KIF3C: variants seen among roughly 807,000 people sequenced by gnomAD.
KIF3C encodes the protein kinesin family member 3C.
In KIF3C, 12 loss-of-function variants were observed where a neutral mutation model predicts 67.7. The observed-to-expected ratio is 0.18, with a 90% CI of 0.11 to 0.29. KIF3C has a LOEUF of 0.29. KIF3C is among the 10% of genes least tolerant of loss of function. The pLI, the probability that KIF3C is intolerant of heterozygous loss-of-function variation, is 1.00. For synonymous variants in KIF3C, 393 were observed against 426.2 expected, an observed-to-expected ratio of 0.92 and a Z score of 0.96; for missense variants, 789 against 1,059.6, an observed-to-expected ratio of 0.74 and a Z score of 3.55.
intron 5 of KIF3C, among the ~76,000 whole-genome samples, chr2:25,931,949 G>A (rs1412065237): frequency 9.3e-6 from 1 of 107,816 alleles, no homozygotes; most frequent in Non-Finnish European, 1.9e-5. Context: ...TTTTTTTTTT[G>A]AGTCAGAGTC....
intron 1 of KIF3C, among the ~76,000 whole-genome samples, chr2:25,962,663 C>T (rs1370946190): frequency 6.9e-6 from 1 of 144,616 alleles, no homozygotes; most frequent in African/African-American, 2.6e-5. Flanking sequence ...AGGCATGAGC[C>T]ACTGTGCCTG....
At chr2:25,931,468 CAAACAAAAAACA>C (rs1330266071) in intron 5 of KIF3C, among the ~76,000 whole-genome samples, 1 of 151,756 alleles carries the variant, frequency 6.6e-6, no homozygotes, top group African/African-American at 2.4e-5. Context: ...CAAAAACAAA[CAAACAAAAAACA>C]AAACAAAAAA....
At position 25,931,173 on chromosome 2, in the gene KIF3C, C is replaced by T. The variant is rs550857913; in HGVS notation, c.2007-1110G>A. Reference sequence around the variant, plus strand: ...CCACTAGAGGTCTTAAAACGTATCCCCTGCCAGGTGCAGTGGCTCACACCT... The same window carrying T: ...CCACTAGAGGTCTTAAAACGTATCCTCTGCCAGGTGCAGTGGCTCACACCT... On this transcript the variant is annotated intron_variant, in intron 5 of 7. Coordinates refer to ENST00000264712, the MANE Select transcript of KIF3C (RefSeq NM_002254.8). 5.9e-5 allele frequency among the ~76,000 whole-genome samples: 9 copies of T among 151,952 alleles called. No individual in the cohort carries two copies. The South Asian group carries it at 1.9e-3, about 32-fold the overall frequency.
chr2:25,948,682 G>T (rs1352404190), intron 5 of KIF3C, among the ~76,000 whole-genome samples: 2 of 133,560 alleles, frequency 1.5e-5, no homozygotes, highest in African/African-American at 5.5e-5. Flanking sequence ...GAGAGAGAAA[G>T]AAAGAAAGGA....
At chr2:25,962,960 T>TACATATA (rs1664018536) in intron 1 of KIF3C, among the ~76,000 whole-genome samples, 1 of 31,998 alleles carries the variant, frequency 3.1e-5, no homozygotes. Flanking sequence ...TAATATATAA[T>TACATATA]ATATATAATA....
At chr2:25,933,272 A>G (rs2090477174) in intron 5 of KIF3C, among the ~76,000 whole-genome samples, 1 of 151,828 alleles carries the variant, frequency 6.6e-6, no homozygotes, top group East Asian at 1.9e-4. Context: ...AAAAAAAAAA[A>G]GGGCAAAGGA....
rs1021089655 is a variant in KIF3C, at chr2:25,928,039, C to G, written c.*939G>C. 6.6e-6 allele frequency: 1 copy of G among 152,528 alleles called. No homozygotes were observed. Among genetic ancestry groups the G allele is most frequent in the South Asian group, 2.1e-4 (1 of 4,826 alleles). The allele number at this position is 152,528 out of a possible 1,614,324, so 9.4% of individuals were successfully genotyped here. ...AATAGATGTTAATATCTTCGTTTAG[C>G]GAGGGGTAGAATGACATTGACTCCT... On this transcript the variant is annotated 3_prime_UTR_variant, in exon 8 of 8. Transcript: ENST00000264712.
intron 5 of KIF3C, among the ~76,000 whole-genome samples, chr2:25,941,297 C>T (rs1663277838): frequency 6.6e-6 from 1 of 151,092 alleles, no homozygotes; most frequent in Admixed American, 6.6e-5. Context: ...CAGTGAGACC[C>T]TGTCTCAAAA....
At chr2:25,939,850 T>C (rs1341020018) in intron 5 of KIF3C, among the ~76,000 whole-genome samples, 1 of 152,076 alleles carries the variant, frequency 6.6e-6, no homozygotes, top group African/African-American at 2.4e-5. Context: ...CTCAGGAGGC[T>C]GAGGCACAAG....
chr2:25,963,728 C>T (rs967950093), intron 1 of KIF3C, among the ~76,000 whole-genome samples: 11 of 149,586 alleles, frequency 7.4e-5, no homozygotes, highest in African/African-American at 1.7e-4. Context: ...AGTCTCACTT[C>T]GTTGCCCAGG....
In KIF3C at chr2:25,928,873, G is replaced by T; in HGVS notation, c.*105C>A. 1 of 868,712 alleles carries T rather than the reference G, an allele frequency of 1.2e-6. No homozygotes were observed. The highest frequency in any genetic ancestry group is 1.8e-6 in the Non-Finnish European group (1 of 545,930). 53.8% of individuals were successfully genotyped at this position (868,712 alleles called of 1,614,324 possible). On this transcript the variant is annotated 3_prime_UTR_variant, in exon 8 of 8. Coordinates refer to ENST00000264712, the MANE Select transcript of KIF3C (RefSeq NM_002254.8). The stretch of plus-strand genomic sequence containing the variant: ...TTCTCACCCCTGCACACACGCACAC[G>T]CACATGCACGCACACGCACACGCAC...
chr2:25,977,454 G>A (rs1472053880), intron 1 of KIF3C, among the ~76,000 whole-genome samples: 2 of 152,144 alleles, frequency 1.3e-5, no homozygotes, highest in Non-Finnish European at 2.9e-5. Context: ...CAGATGGGGA[G>A]CCTGCCTTCT....
At chr2:25,964,066 C>T (rs1013984041) in intron 1 of KIF3C, among the ~76,000 whole-genome samples, 8 of 152,066 alleles carry the variant, frequency 5.3e-5, no homozygotes, top group Admixed American at 2.6e-4. Context: ...CCAACACTTT[C>T]GGAGACCTAG....
At chr2:25,956,466 GA>G (rs778605340) in intron 1 of KIF3C, 22 bp from the exon 2 acceptor site, 1 of 1,593,408 alleles carries the variant, frequency 6.3e-7, no homozygotes, top group South Asian at 1.1e-5. Flanking sequence ...GAGGGGTTGG[GA>G]GGTGGGCTTT....
intron 5 of KIF3C, among the ~76,000 whole-genome samples, chr2:25,944,943 C>T (rs550727931): frequency 1.3e-5 from 2 of 152,070 alleles, no homozygotes; most frequent in Non-Finnish European, 2.9e-5. Context: ...TCAGCCTGGC[C>T]AACATGGCGA....
At chr2:25,948,627 AAAGAG>A (rs1663509350) in intron 5 of KIF3C, among the ~76,000 whole-genome samples, 2 of 99,634 alleles carry the variant, frequency 2.0e-5, no homozygotes, top group Non-Finnish European at 4.1e-5. Flanking sequence ...AGAAAGAGAG[AAAGAG>A]AGAGAGAAAG....
rs1328532715 is a variant in KIF3C, at chr2:25,980,632, G to A, written c.1286C>T (p.Ala429Val). 6.2e-7 allele frequency: 1 copy of A among 1,613,838 alleles called. No homozygotes were observed. The highest frequency in any genetic ancestry group is 2.2e-5 in the East Asian group (1 of 44,880). The stretch of plus-strand genomic sequence containing the variant: ...GTCATCCTCCTCTTCTGCCACCCAG[G>A]CCTCAATCACTGGGCCCTCAGGGTA... ...PGYPEGPVIE[A>V]WVAEEEDDNN... is the part of the protein sequence containing the mutation. Residue 429 changes from alanine to valine, a missense_variant, in exon 1 of 8, where the codon GCC (alanine) becomes GTC (valine). Coordinates refer to ENST00000264712, the MANE Select transcript of KIF3C (RefSeq NM_002254.8). This position sits in a 1 kb window ranked among gnomAD's most constrained non-coding sequence, Gnocchi z 7.6.
intron 4 of KIF3C, 158 bp downstream of exon 4, chr2:25,954,109 C>T (rs1226624771): frequency 3.0e-6 from 2 of 671,504 alleles, no homozygotes; most frequent in Non-Finnish European, 5.4e-6. Flanking sequence ...GTAGAAGAAA[C>T]TCCAGCACGT....
chr2:25,955,422 G>T lies in KIF3C; in HGVS notation c.1770+119C>A. 2 of 1,286,762 alleles carry T rather than the reference G, an allele frequency of 1.6e-6. No individual in the cohort carries two copies. Among genetic ancestry groups the T allele is most frequent in the Non-Finnish European group, 2.2e-6 (2 of 920,544 alleles). The allele number at this position is 1,286,762 out of a possible 1,614,324, so 79.7% of individuals were successfully genotyped here. A position where few individuals can be genotyped will look rare whatever the true frequency, so the allele number is the denominator to read the frequency against. ...TTGCTCACCCCCGAGGCCAAGCCAT[G>T]TCACTCAGGGGTTCAGCAGTTCCAG... On this transcript the variant is annotated intron_variant, in intron 3 of 7. Transcript: ENST00000264712. This position sits in a 1 kb window ranked among gnomAD's most constrained non-coding sequence, Gnocchi z 5.0.
Sources: gnomAD v4.1 joint callset for allele counts (sites outside exome capture counted in the v4.1 genomes callset) on GRCh38, gnomAD v4.1.1 for gene constraint, Gnocchi (gnomAD v3.1) non-coding constraint, MANE v1.5 for transcripts, NCBI Gene and HGNC (gene_info 2026-07-23, HGNC 2026-07-21) for gene names.